Variants in PREPL observed in about 807,000 individuals in gnomAD.
The protein encoded by PREPL is prolyl endopeptidase like.
PREPL carries 77 observed loss-of-function variants against 70.6 expected under a neutral mutation model. That is an observed-to-expected ratio of 1.09 (90% CI 0.91 to 1.32). The LOEUF (loss-of-function observed/expected upper bound fraction) is 1.32. Among genes scored for constraint, PREPL ranks in the 40% most tolerant of loss-of-function variants. The pLI is 0.00. For synonymous variants in PREPL, 315 were observed against 264.8 expected, an observed-to-expected ratio of 1.19 and a Z score of -1.84; for missense variants, 1,002 against 778.2, an observed-to-expected ratio of 1.29 and a Z score of -3.42.
At position 44,329,086 on chromosome 2, in the gene PREPL, AAC is replaced by A. The variant is rs1440820425; in HGVS notation, c.1111_1112del (p.Val371PhefsTer5). On this transcript the variant is annotated frameshift_variant, in exon 9 of 14. Coordinates refer to ENST00000409411, the MANE Select transcript of PREPL (RefSeq NM_001171613.2). LOFTEE classifies it high-confidence loss of function. The stretch of plus-strand genomic sequence containing the variant: ...AGTCCTCAGAGTCAGTTTTGTGGAA[AAC>A]AGTCATTGGCACTAATTTTCCATCC... ...SKDGKLVPMT[V>X]FHKTDSEDLQ... 6.2e-7 allele frequency: 1 copy of A among 1,607,020 alleles called. No homozygotes were observed. The highest frequency in any genetic ancestry group is 8.5e-7 in the Non-Finnish European group (1 of 1,174,164).
chr2:44,358,283 T>C (rs909874862), intron 1 of PREPL, among the ~76,000 whole-genome samples: 3 of 152,172 alleles, frequency 2.0e-5, no homozygotes, highest in Admixed American at 1.3e-4. Context: ...AGCCACTGAA[T>C]TGCATACTTT....
At chr2:44,344,458 T>C in intron 3 of PREPL, 62 bp downstream of exon 3, 2 of 1,200,536 alleles carry the variant, frequency 1.7e-6, no homozygotes, top group East Asian at 2.6e-5. Context: ...AATTAATAAA[T>C]TTCCTATAAA....
At position 44,345,291 on chromosome 2, in the gene PREPL, T is replaced by A. The variant is rs541973520; in HGVS notation, c.76-705A>T. On this transcript the variant is annotated intron_variant, in intron 2 of 13. Coordinates refer to ENST00000409411, the MANE Select transcript of PREPL (RefSeq NM_001171613.2). The stretch of plus-strand genomic sequence containing the variant: ...TCTTAACCTACTATTTCCACTCTAC[T>A]ATGTATGTGATTTTCACCTATTGCG... Among the ~76,000 whole-genome samples, 3 of 152,324 alleles carry A rather than the reference T, an allele frequency of 2.0e-5. No individual in the cohort carries two copies. In the South Asian group the frequency reaches 6.2e-4, roughly 32 times the overall value.
In PREPL at chr2:44,327,060, G is replaced by A. The variant is rs554930354; in HGVS notation, c.1263-132C>T. 234 of 735,750 alleles carry A rather than the reference G, an allele frequency of 3.2e-4. 1 individual carries two copies. In the South Asian group the frequency reaches 4.1e-3, roughly 13 times the overall value. 45.6% of individuals were successfully genotyped at this position (735,750 alleles called of 1,614,324 possible). Reference sequence around the variant, plus strand: ...TAAGACTGGTTTTTGCTTTTTAAAGGTTGAGTGAAAACAAGGAATGTGCAA... The same window carrying A: ...TAAGACTGGTTTTTGCTTTTTAAAGATTGAGTGAAAACAAGGAATGTGCAA... On this transcript the variant is annotated intron_variant, in intron 9 of 13. Coordinates refer to ENST00000409411, the MANE Select transcript of PREPL (RefSeq NM_001171613.2).
rs980912419 is a variant in PREPL, at chr2:44,321,107, C to T, written c.*249G>A. 2.2e-6 allele frequency: 1 copy of T among 464,842 alleles called. No homozygotes were observed. Among genetic ancestry groups the T allele is most frequent in the African/African-American group, 2.0e-5 (1 of 51,092 alleles). 28.8% of individuals were successfully genotyped at this position (464,842 alleles called of 1,614,324 possible). On this transcript the variant is annotated 3_prime_UTR_variant, in exon 14 of 14. Coordinates refer to ENST00000409411, the MANE Select transcript of PREPL (RefSeq NM_001171613.2). ...GCTATCACCAATCCTTCCCTTCCCT[C>T]TACTCCACATCCTTCTAAGGAGCAT...
intron 1 of PREPL, among the ~76,000 whole-genome samples, chr2:44,353,748 G>GA (rs1240232535): frequency 6.6e-6 from 1 of 152,124 alleles, no homozygotes; most frequent in Non-Finnish European, 1.5e-5. Context: ...AGGACACCAA[G>GA]ACAATTCAAT....
At position 44,346,168 on chromosome 2, in the gene PREPL, T is replaced by C. The variant is rs571407929; in HGVS notation, c.75+100A>G. 68 of 1,150,724 alleles carry C rather than the reference T, an allele frequency of 5.9e-5. No homozygotes were observed. The African/African-American group carries it at 8.2e-4, about 14-fold the overall frequency. 71.3% of individuals were successfully genotyped at this position (1,150,724 alleles called of 1,614,324 possible). ...CATATTTTAAAGGCCAAAAGCAGTA[T>C]AATCTTGATGTGGACTATGTCTCTA... is the stretch of plus-strand genomic sequence containing the variant. On this transcript the variant is annotated intron_variant, in intron 2 of 13. Transcript: ENST00000409411.
At chr2:44,327,235 C>T (rs1558489226) in intron 9 of PREPL, among the ~76,000 whole-genome samples, 1 of 152,086 alleles carries the variant, frequency 6.6e-6, no homozygotes, top group Non-Finnish European at 1.5e-5. Flanking sequence ...TAAGTACAGA[C>T]CTTAAAAGTA....
intron 7 of PREPL, among the ~76,000 whole-genome samples, chr2:44,338,055 C>T (rs4953090): frequency 0.67 from 101,577 of 152,030 alleles, 34,562 homozygotes; most frequent in African/African-American, 0.73. Flanking sequence ...TCTCAAGTTG[C>T]AGAGATATGT....
chr2:44,346,693 G>C (rs1012368105), intron 1 of PREPL, among the ~76,000 whole-genome samples: 1 of 151,902 alleles, frequency 6.6e-6, no homozygotes, highest in African/African-American at 2.4e-5. Context: ...GAAATACTAT[G>C]GGGAAAATTT....
At chr2:44,342,615 A>AC (rs1675354577) in intron 4 of PREPL, 63 bp from the exon 5 acceptor site, 1 of 1,247,522 alleles carries the variant, frequency 8.0e-7, no homozygotes, top group African/African-American at 1.5e-5. Context: ...AAAAAAAAAA[A>AC]GCACAGCACA....
intron 13 of PREPL, 123 bp from the exon 14 acceptor site, chr2:44,321,568 C>G: frequency 2.0e-6 from 3 of 1,500,292 alleles, no homozygotes; most frequent in Non-Finnish European, 2.7e-6. Flanking sequence ...GGCAAGAATA[C>G]TTTCATTCGA....
At chr2:44,343,004 A>G (rs571531990) in intron 4 of PREPL, among the ~76,000 whole-genome samples, 2 of 152,308 alleles carry the variant, frequency 1.3e-5, no homozygotes, top group African/African-American at 4.8e-5. Flanking sequence ...CTGATTCTTG[A>G]TCCCACCAGA....
intron 2 of PREPL, among the ~76,000 whole-genome samples, chr2:44,344,879 T>C (rs948094756): frequency 6.6e-6 from 1 of 152,212 alleles, no homozygotes; most frequent in African/African-American, 2.4e-5. Flanking sequence ...CCACTTCTGC[T>C]ACATTTTAGA....
In PREPL at chr2:44,326,764, G is replaced by A; in HGVS notation, c.1427C>T (p.Ala476Val). The change falls in exon 10 of 14, where the codon GCA becomes GTA. Residue 476 changes from alanine to valine, a missense_variant. Transcript: ENST00000409411. ...TGGATTAGAATTACACAATGCTCCT[G>A]CAAGCACCCCTCCAGCACTGAAAGC... ...LTAFSAGGVLAGALCNSNPEL... is the reference protein window; with the variant it reads ...LTAFSAGGVLVGALCNSNPEL... 1 of 1,614,130 alleles carries A rather than the reference G, an allele frequency of 6.2e-7. No homozygotes were observed. Among genetic ancestry groups the A allele is most frequent in the Non-Finnish European group, 8.5e-7 (1 of 1,180,024 alleles).
chr2:44,347,347 A>T (rs1179294576), intron 1 of PREPL: 1 of 152,234 alleles, frequency 6.6e-6, no homozygotes. Context: ...AACAAAAAAA[A>T]GGGAATTAAT....
rs1674973843 is a variant in PREPL, at chr2:44,339,365, T to G, written c.486-2A>C. The stretch of plus-strand genomic sequence containing the variant: ...GTAAGATAAAGGAAAACAAAGTAGC[T>G]AGAGAGAGAGAGAGAGACATGAGAT... On this transcript the variant is annotated splice_acceptor_variant, in intron 5 of 13. Coordinates refer to ENST00000409411, the MANE Select transcript of PREPL (RefSeq NM_001171613.2). LOFTEE classifies it high-confidence loss of function. The G allele has an allele frequency of 1.3e-6, 2 of 1,535,390 alleles. No homozygotes were observed. Among genetic ancestry groups the G allele is most frequent in the South Asian group, 1.2e-5 (1 of 85,820 alleles).
At position 44,355,574 on chromosome 2, in the gene PREPL, ACT is replaced by A. The variant is rs1337193128; in HGVS notation, c.-49+5804_-49+5805del. On this transcript the variant is annotated intron_variant, in intron 1 of 13. Coordinates refer to ENST00000409411, the MANE Select transcript of PREPL (RefSeq NM_001171613.2). ...AAAAAAAAGCAATCACCCTGTAAAGACTCTCATCTTCACTCATCTGAGTTACT... is the reference window on the plus strand; with the variant it reads ...AAAAAAAAGCAATCACCCTGTAAAGACTCATCTTCACTCATCTGAGTTACT... Among the ~76,000 whole-genome samples the A allele has an allele frequency of 5.3e-5, 8 of 151,972 alleles. No homozygotes were observed. In the East Asian group the frequency reaches 1.6e-3, roughly 29 times the overall value.
intron 2 of PREPL, among the ~76,000 whole-genome samples, chr2:44,345,663 G>A (rs987970988): frequency 1.3e-5 from 2 of 151,848 alleles, no homozygotes; most frequent in East Asian, 3.9e-4. Context: ...AATTCATTTC[G>A]ACTGACTATT....
Sources: gnomAD v4.1 joint callset for allele counts (sites outside exome capture counted in the v4.1 genomes callset) on GRCh38, gnomAD v4.1.1 for gene constraint, MANE v1.5 for transcripts, NCBI Gene and HGNC (gene_info 2026-07-23, HGNC 2026-07-21) for gene names.